LTBP1: variants seen among roughly 807,000 people sequenced by gnomAD.
LTBP1 encodes latent transforming growth factor beta binding protein 1.
LTBP1 carries 129 observed loss-of-function variants against 207.6 expected under a neutral mutation model. That is an observed-to-expected ratio of 0.62 (90% confidence interval 0.54 to 0.72). The LOEUF is 0.72. Ranked by LOEUF, LTBP1 falls within the 30% of genes least tolerant of loss-of-function variation. LTBP1 has a pLI of 0.00. For synonymous variants in LTBP1, 963 were observed against 833.7 expected, an observed-to-expected ratio of 1.16 and a Z score of -2.67; for missense variants, 2,281 against 2,217.2, an observed-to-expected ratio of 1.03 and a Z score of -0.58.
At chr2:33,328,279 C>G (rs1029783627) in intron 24 of LTBP1, among the ~76,000 whole-genome samples, 2 of 152,134 alleles carry the variant, frequency 1.3e-5, no homozygotes, top group Non-Finnish European at 2.9e-5. Context: ...CCTCAAACTT[C>G]CTCGTGATTA....
chr2:33,011,565 G>A (rs1262102066), intron 2 of LTBP1, among the ~76,000 whole-genome samples: 1 of 152,068 alleles, frequency 6.6e-6, no homozygotes, highest in Non-Finnish European at 1.5e-5. Context: ...CCATCTACAA[G>A]CCAGAATGAG....
intron 7 of LTBP1, among the ~76,000 whole-genome samples, chr2:33,206,195 A>G (rs1363275917): frequency 6.6e-6 from 1 of 152,170 alleles, no homozygotes; most frequent in African/African-American, 2.4e-5. Flanking sequence ...CCAGGGATCT[A>G]AATGAACCTG....
In LTBP1 at chr2:33,389,295, T is replaced by A; in HGVS notation, c.4823T>A (p.Phe1608Tyr). Residue 1608 changes from phenylalanine to tyrosine, a missense_variant, in exon 32 of 34, where the codon TTC (phenylalanine) becomes TAC (tyrosine). Coordinates refer to ENST00000404816, the MANE Select transcript of LTBP1 (RefSeq NM_206943.4). Reference sequence around the variant, plus strand: ...TATACTCCAGAAGCCGATCCCTACTTCATCCAAGACCGTAAGCAAAATAAC... The same window carrying A: ...TATACTCCAGAAGCCGATCCCTACTACATCCAAGACCGTAAGCAAAATAAC... ...EQYTPEADPY[F>Y]IQDRFLNSFE... 2 of 1,614,196 alleles carry A rather than the reference T, an allele frequency of 1.2e-6. No homozygotes were observed. The highest frequency in any genetic ancestry group is 1.7e-6 in the Non-Finnish European group (2 of 1,180,022).
At chr2:32,981,186 C>A (rs1682712482) in intron 2 of LTBP1, among the ~76,000 whole-genome samples, 1 of 152,168 alleles carries the variant, frequency 6.6e-6, no homozygotes. Flanking sequence ...TCTCTCTCTA[C>A]CTCCTCTTTA....
chr2:33,201,100 C>T (rs2089195678), intron 7 of LTBP1, among the ~76,000 whole-genome samples: 1 of 152,112 alleles, frequency 6.6e-6, no homozygotes, highest in Non-Finnish European at 1.5e-5. Context: ...TTAGAAATAC[C>T]ATTTGACCCA....
chr2:33,155,826 C>T (rs1327239633), intron 5 of LTBP1, among the ~76,000 whole-genome samples: 4 of 152,176 alleles, frequency 2.6e-5, no homozygotes, highest in African/African-American at 4.8e-5. Context: ...TGCTGCTTCT[C>T]AGTTCATACA....
At chr2:33,059,859 T>G (rs1181960276) in intron 3 of LTBP1, among the ~76,000 whole-genome samples, 1 of 152,166 alleles carries the variant, frequency 6.6e-6, no homozygotes, top group Non-Finnish European at 1.5e-5. Flanking sequence ...GACACATCCC[T>G]AAAACAACAG....
intron 15 of LTBP1, 36 bp from the exon 16 acceptor site, chr2:33,273,620 G>T: frequency 6.5e-7 from 1 of 1,549,208 alleles, no homozygotes; most frequent in Non-Finnish European, 8.8e-7. Context: ...GTTCATTTCT[G>T]TGGGTTTTTT....
chr2:33,218,657 A>G (rs2090892305), intron 8 of LTBP1, among the ~76,000 whole-genome samples: 1 of 152,170 alleles, frequency 6.6e-6, no homozygotes, highest in Admixed American at 6.5e-5. Context: ...TCTGCTTCCC[A>G]AAGTGCTGGG....
At chr2:33,287,096 AAACAACAACAAC>A (rs60436290) in intron 19 of LTBP1, among the ~76,000 whole-genome samples, 91 of 151,500 alleles carry the variant, frequency 6.0e-4, no homozygotes, top group South Asian at 5.9e-3. Flanking sequence ...AATAAAATAA[AAACAACAACAAC>A]AACAACAACA....
chr2:33,005,934 T>C (rs1573042013), intron 2 of LTBP1, among the ~76,000 whole-genome samples: 1 of 151,448 alleles, frequency 6.6e-6, no homozygotes, highest in East Asian at 1.9e-4. Context: ...TAGGGAGGGG[T>C]AGAATCATTT....
chr2:33,036,826 A>G (rs558463503), intron 3 of LTBP1, among the ~76,000 whole-genome samples: 1 of 152,346 alleles, frequency 6.6e-6, no homozygotes, highest in African/African-American at 2.4e-5. Context: ...ATGCAATAGA[A>G]AAATATCAAA....
chr2:33,208,988 C>G (rs955651107), intron 7 of LTBP1, among the ~76,000 whole-genome samples: 2 of 151,566 alleles, frequency 1.3e-5, no homozygotes, highest in African/African-American at 4.8e-5. Flanking sequence ...CTGCCTCAGC[C>G]TCCCAAGTAG....
At chr2:33,273,882 C>G (rs1294677441) in intron 16 of LTBP1, 101 bp downstream of exon 16, 2 of 1,107,762 alleles carry the variant, frequency 1.8e-6, no homozygotes, top group South Asian at 2.2e-5. Context: ...GAAAGTGTTA[C>G]TGGTTTAATT....
At chr2:33,389,416 C>A in intron 32 of LTBP1, 110 bp downstream of exon 32, 1 of 1,430,286 alleles carries the variant, frequency 7.0e-7, no homozygotes, top group Non-Finnish European at 9.6e-7. Context: ...CTGGTCCCAC[C>A]CCAGACCTGC....
In LTBP1 at chr2:33,090,264, C is replaced by T. The variant is rs150224415; in HGVS notation, c.864-20318C>T. Among the ~76,000 whole-genome samples, 19 of 152,330 alleles carry T rather than the reference C, an allele frequency of 1.2e-4. 1 individual carries two copies. The East Asian group carries it at 3.7e-3, about 29-fold the overall frequency. On this transcript the variant is annotated intron_variant, in intron 3 of 33. Transcript: ENST00000404816. ...TGAAGATATTCTTTGTGTTTATTAT[C>T]ATTGGCTTGAAAGTTGGCCCTTTTT...
At chr2:32,981,063 G>A (rs1682690732) in intron 2 of LTBP1, among the ~76,000 whole-genome samples, 1 of 152,056 alleles carries the variant, frequency 6.6e-6, no homozygotes, top group African/African-American at 2.4e-5. Flanking sequence ...TCATCTTTGG[G>A]TTAAATCTGC....
intron 3 of LTBP1, among the ~76,000 whole-genome samples, chr2:33,078,230 G>C (rs2078189651): frequency 6.6e-6 from 1 of 152,210 alleles, no homozygotes; most frequent in Non-Finnish European, 1.5e-5. Context: ...GATGTTAAGT[G>C]TTGGGAACAC....
At chr2:33,066,187 C>A (rs2077500021) in intron 3 of LTBP1, among the ~76,000 whole-genome samples, 1 of 152,036 alleles carries the variant, frequency 6.6e-6, no homozygotes, top group African/African-American at 2.4e-5. Flanking sequence ...TTTATGTAGT[C>A]TTATCTGTTA....
Sources: gnomAD v4.1 joint callset for allele counts (sites outside exome capture counted in the v4.1 genomes callset) on GRCh38, gnomAD v4.1.1 for gene constraint, MANE v1.5 for transcripts, NCBI Gene and HGNC (gene_info 2026-07-23, HGNC 2026-07-21) for gene names.